SEC63: variants seen among roughly 807,000 people sequenced by gnomAD.
SEC63 encodes SEC63 protein translocation regulator.
SEC63 carries 56 observed loss-of-function variants against 116.2 expected under a neutral mutation model. That is an observed-to-expected ratio of 0.48 (90% CI 0.39 to 0.60). The LOEUF is 0.60. Ranked by LOEUF, SEC63 falls within the 20% of genes least tolerant of loss-of-function variation. The pLI is 0.00. For synonymous variants in SEC63, 273 were observed against 294.6 expected (o/e 0.93, Z 0.75); for missense variants, 668 against 900.0 (o/e 0.74, Z 3.30).
At chr6:107,957,671 G>C (rs1770737544) in intron 1 of SEC63, 2 of 368,112 alleles carry the variant, frequency 5.4e-6, no homozygotes, top group East Asian at 9.2e-5. Context: ...TGGAGCGAGC[G>C]AAACTCCTGA....
intron 1 of SEC63, among the ~76,000 whole-genome samples, chr6:107,934,003 G>A (rs1236326338): frequency 7.2e-5 from 11 of 152,232 alleles, no homozygotes; most frequent in South Asian, 4.1e-4. Context: ...GTTTGCAGAC[G>A]GAGTCTGGTT....
chr6:107,900,528 G>C (rs1465805316), intron 13 of SEC63, among the ~76,000 whole-genome samples: 1 of 152,062 alleles, frequency 6.6e-6, no homozygotes, highest in East Asian at 1.9e-4. Context: ...TGCACCTGTA[G>C]TCCCAGCTAC....
At chr6:107,904,849 G>A in intron 10 of SEC63, 128 bp from the exon 11 acceptor site, 1 of 764,214 alleles carries the variant, frequency 1.3e-6, no homozygotes, top group Non-Finnish European at 2.3e-6. Flanking sequence ...GAATTTTACA[G>A]ATTGAATGGA....
Position 107,871,739 on chromosome 6 carries a change from CA to C in SEC63, c.2247del (p.Phe749LeufsTer71). On this transcript the variant is annotated frameshift_variant, in exon 21 of 21. Coordinates refer to ENST00000369002, the MANE Select transcript of SEC63 (RefSeq NM_007214.5). LOFTEE classifies it high-confidence loss of function. ...TCTTCTTCTTCCTCCTCTTCTTCCT[CA>C]AAGCTATCTTCAAAGCCCTCACTGT... The part of the protein sequence containing the change: ...QEDSEGFEDS[F>X]EEEEEEEEDD... 1 of 1,613,338 alleles carries C rather than the reference CA, an allele frequency of 6.2e-7. No homozygotes were observed. The highest frequency in any genetic ancestry group is 8.5e-7 in the Non-Finnish European group (1 of 1,179,772).
chr6:107,869,353 G>C lies in SEC63; in HGVS notation c.*2351C>G, dbSNP rs1786071848. 3.3e-5 allele frequency: 5 copies of C among 152,094 alleles called. No individual in the cohort carries two copies. In the South Asian group the frequency reaches 1.0e-3, roughly 32 times the overall value. 9.4% of individuals were successfully genotyped at this position (152,094 alleles called of 1,614,324 possible). On this transcript the variant is annotated 3_prime_UTR_variant, in exon 21 of 21. Transcript: ENST00000369002. ...TTTGAATTGTGGTAAGTCTCCTCAT[G>C]AACAGCTGTATTTTAATAGGTACTT...
chr6:107,928,004 G>C (rs573406755), intron 2 of SEC63, among the ~76,000 whole-genome samples: 80 of 152,256 alleles, frequency 5.3e-4, no homozygotes, highest in Middle Eastern at 3.4e-3. Flanking sequence ...GCAGATATGG[G>C]GGGGAGGGGC....
At chr6:107,945,584 G>A (rs1375506668) in intron 1 of SEC63, among the ~76,000 whole-genome samples, 1 of 151,632 alleles carries the variant, frequency 6.6e-6, no homozygotes, top group East Asian at 2.0e-4. Context: ...GATTACAGGC[G>A]TGAGCCACCG....
intron 4 of SEC63, among the ~76,000 whole-genome samples, chr6:107,917,538 G>A (rs1787436175): frequency 3.3e-5 from 5 of 152,196 alleles, no homozygotes; most frequent in Admixed American, 2.6e-4. Context: ...CATGTCAAAA[G>A]CCAAAACAAG....
At chr6:107,924,640 TAACA>T (rs1050207793) in intron 3 of SEC63, among the ~76,000 whole-genome samples, 174 bp downstream of exon 3, 2 of 141,706 alleles carry the variant, frequency 1.4e-5, no homozygotes, top group African/African-American at 5.1e-5. Flanking sequence ...ATTAATAACA[TAACA>T]ATCAACAGTT....
chr6:107,896,143 G>A lies in SEC63; in HGVS notation c.1440+1506C>T, dbSNP rs570406169. 9.9e-5 allele frequency among the ~76,000 whole-genome samples: 15 copies of A among 152,110 alleles called. No individual in the cohort carries two copies. The South Asian group carries it at 2.9e-3, about 29-fold the overall frequency. ...ACTGCACCACTGCACTCAAGCCTAG[G>A]TAACACAGTGAGACCGTGTCTCAAC... On this transcript the variant is annotated intron_variant, in intron 14 of 20. Coordinates refer to ENST00000369002, the MANE Select transcript of SEC63 (RefSeq NM_007214.5).
intron 12 of SEC63, among the ~76,000 whole-genome samples, chr6:107,902,288 C>CAA (rs1562322083): frequency 1.5e-3 from 225 of 151,596 alleles, no homozygotes; most frequent in African/African-American, 5.3e-3. Context: ...AATCCAATGT[C>CAA]TATTCTCTGC....
In SEC63 at chr6:107,924,899, G is replaced by T. The variant is rs368868418; in HGVS notation, c.258C>A (p.Phe86Leu). 1.0e-4 allele frequency: 166 copies of T among 1,600,946 alleles called. No homozygotes were observed. The highest frequency in any genetic ancestry group is 1.4e-4 in the Non-Finnish European group (164 of 1,168,380). The change falls in exon 3 of 21, where the codon TTC becomes TTA. Residue 86 changes from phenylalanine to leucine, a missense_variant. Physicochemically the swap from Phe to Leu is conservative, Grantham distance 22. Around this residue, in one of 5 missense-constraint regions of SEC63, gnomAD observed 142 missense variants for 169.5 expected, o/e 0.84. Transcript: ENST00000369002. ...TGGAAACTTTATATGCAAGGAATAA[G>T]AACAATGCCCATCCTGCAAGCAGAA... is the stretch of plus-strand genomic sequence containing the variant. ...KIVLLAGWAL[F>L]LFLAYKVSKT... is the part of the protein sequence containing the mutation.
intron 14 of SEC63, among the ~76,000 whole-genome samples, chr6:107,894,281 G>A (rs548293153): frequency 2.6e-5 from 4 of 152,254 alleles, no homozygotes; most frequent in African/African-American, 9.6e-5. Flanking sequence ...AGTGTGATGT[G>A]CGAAATAACA....
Position 107,870,819 on chromosome 6 carries a change from A to G in SEC63, c.*885T>C, listed in dbSNP as rs1786113891. On this transcript the variant is annotated 3_prime_UTR_variant, in exon 21 of 21. Transcript: ENST00000369002. ...ACAGGAGTCCAAAATGAATACAAAA[A>G]AAGCTTCCTTTGCATGTTATACTTA... is the stretch of plus-strand genomic sequence containing the variant. 6.6e-6 allele frequency: 1 copy of G among 152,232 alleles called. No individual in the cohort carries two copies. The highest frequency in any genetic ancestry group is 1.5e-5 in the Non-Finnish European group (1 of 68,038). The allele number at this position is 152,232 out of a possible 1,614,324, so 9.4% of individuals were successfully genotyped here. A position where few individuals can be genotyped will look rare whatever the true frequency, so the allele number is the denominator to read the frequency against.
chr6:107,954,275 C>G (rs564964395), intron 1 of SEC63, among the ~76,000 whole-genome samples: 13 of 151,480 alleles, frequency 8.6e-5, no homozygotes, highest in East Asian at 7.8e-4. Context: ...GCAGCATGCT[C>G]GTTAAGAGTC....
intron 4 of SEC63, among the ~76,000 whole-genome samples, chr6:107,918,906 T>C (rs1312837442): frequency 3.0e-3 from 8 of 2,648 alleles, no homozygotes; most frequent in Non-Finnish European, 8.7e-3. Context: ...CTGATTTCCT[T>C]TTTTTTTTTT....
chr6:107,904,021 G>A (rs1262975894), intron 11 of SEC63, among the ~76,000 whole-genome samples: 1 of 151,686 alleles, frequency 6.6e-6, no homozygotes, highest in South Asian at 2.1e-4. Context: ...AGGAGGCTGA[G>A]GCAGGAGAAT....
intron 10 of SEC63, 70 bp downstream of exon 10, chr6:107,906,378 A>G: frequency 6.6e-7 from 1 of 1,509,048 alleles, no homozygotes; most frequent in Non-Finnish European, 9.2e-7. Context: ...ACTAATACAC[A>G]CCATTAAGTC....
chr6:107,952,704 G>A lies in SEC63; in HGVS notation c.124+5182C>T, dbSNP rs375918628. ...ATCTGGGAGGTGGAGGTTGCAGTGA[G>A]CCAAGATCTTGCTATTGCACTGGAG... is the stretch of plus-strand genomic sequence containing the variant. On this transcript the variant is annotated intron_variant, in intron 1 of 20. Transcript: ENST00000369002. Among the ~76,000 whole-genome samples, 18 of 152,266 alleles carry A rather than the reference G, an allele frequency of 1.2e-4. No homozygotes were observed. The East Asian group carries it at 1.4e-3, about 11-fold the overall frequency.
Sources: allele counts gnomAD v4.1 joint callset (sites outside exome capture counted in the v4.1 genomes callset), GRCh38; gene constraint gnomAD v4.1.1; regional missense constraint gnomAD v4.1.1; transcripts MANE v1.5; gene names NCBI Gene and HGNC (gene_info 2026-07-23, HGNC 2026-07-21).